The following AFAP1 variants were observed in gnomAD, a reference collection of about 807,000 sequenced individuals.
AFAP1 encodes actin filament associated protein 1.
AFAP1 carries 75 observed loss-of-function variants against 93.9 expected under a neutral mutation model. The observed-to-expected ratio is 0.80, with a 90% CI of 0.66 to 0.97. The LOEUF (loss-of-function observed/expected upper bound fraction) is 0.97. Ranked by LOEUF, AFAP1 falls within the 50% of genes least tolerant of loss-of-function variation. The pLI, the probability that AFAP1 is intolerant of heterozygous loss-of-function variation, is 0.00. For missense variants in AFAP1, 1,201 were observed against 1,050.8 expected (o/e 1.14, Z -1.98); for synonymous variants, 517 against 430.7 (o/e 1.20, Z -2.48).
At chr4:7,802,255 T>C (rs955060043) in intron 9 of AFAP1, among the ~76,000 whole-genome samples, 2 of 144,100 alleles carry the variant, frequency 1.4e-5, no homozygotes, top group African/African-American at 2.4e-5. Flanking sequence ...CTGATGTTGT[T>C]AGGGAGTGAC....
intron 10 of AFAP1, among the ~76,000 whole-genome samples, chr4:7,799,552 G>C (rs574465757): frequency 6.6e-6 from 1 of 152,300 alleles, no homozygotes; most frequent in African/African-American, 2.4e-5. Context: ...CGCCTCACAT[G>C]AACTGGTTTC....
chr4:7,846,383 G>C (rs1713702676), intron 4 of AFAP1, among the ~76,000 whole-genome samples: 1 of 152,230 alleles, frequency 6.6e-6, no homozygotes, highest in East Asian at 1.9e-4. Flanking sequence ...ATGGAATATG[G>C]AACGAGAAGA....
rs1718275574 is a variant in AFAP1 at position 7,888,842 on chromosome 4, GTGCAGTGGCA to G, written c.-2-16772_-2-16763del. Among the ~76,000 whole-genome samples the G allele has an allele frequency of 2.0e-5, 3 of 152,204 alleles. No homozygotes were observed. In the South Asian group the frequency reaches 6.2e-4, roughly 32 times the overall value. Reference sequence around the variant, plus strand: ...GTCTCACTCTGTTGCTCAGGCTGGAGTGCAGTGGCATGATCTCGGCTCACTGCAACCTCCG... The same window carrying G: ...GTCTCACTCTGTTGCTCAGGCTGGAGTGATCTCGGCTCACTGCAACCTCCG... On this transcript the variant is annotated intron_variant, in intron 1 of 17. Transcript: ENST00000420658.
At chr4:7,804,283 G>C (rs989929703) in intron 9 of AFAP1, among the ~76,000 whole-genome samples, 1 of 152,312 alleles carries the variant, frequency 6.6e-6, no homozygotes, top group East Asian at 1.9e-4. Flanking sequence ...GGCTCACCCA[G>C]GGCGTCTCAA....
chr4:7,832,958 G>A (rs1313386925), intron 6 of AFAP1, among the ~76,000 whole-genome samples: 1 of 152,144 alleles, frequency 6.6e-6, no homozygotes, highest in Non-Finnish European at 1.5e-5. Flanking sequence ...TCATGTAGGA[G>A]AATGAAACTG....
At chr4:7,920,775 T>G (rs1317111) in intron 1 of AFAP1, among the ~76,000 whole-genome samples, 1 of 151,968 alleles carries the variant, frequency 6.6e-6, no homozygotes, top group Non-Finnish European at 1.5e-5. Context: ...TCGATATGTT[T>G]GAGACTAAAA....
At chr4:7,891,518 G>A (rs1229965725) in intron 1 of AFAP1, among the ~76,000 whole-genome samples, 1 of 152,070 alleles carries the variant, frequency 6.6e-6, no homozygotes, top group African/African-American at 2.4e-5. Context: ...ATTAAACTTA[G>A]GTAATAATAG....
intron 1 of AFAP1, among the ~76,000 whole-genome samples, chr4:7,875,904 G>C (rs949140456): frequency 2.0e-5 from 3 of 152,134 alleles, no homozygotes; most frequent in Non-Finnish European, 4.4e-5. Context: ...AAGTAGAACA[G>C]TGGTTACTAG....
In AFAP1 at chr4:7,774,824, C is replaced by G; in HGVS notation, c.1977G>C (p.Leu659=). 1 of 1,614,222 alleles carries G rather than the reference C, an allele frequency of 6.2e-7. No individual in the cohort carries two copies. The highest frequency in any genetic ancestry group is 8.5e-7 in the Non-Finnish European group (1 of 1,180,042). The change falls in exon 15 of 18, where the codon CTG becomes CTC. Residue 659 remains leucine, a synonymous_variant. Transcript: ENST00000420658. ...KRLQTKEEEL[L]KRKEALRNRL... ...TATTCCGCAGGGCCTCTTTCCTCTT[C>G]AGCAGCTCCTCCTCTTTGGTCTGTA...
intron 1 of AFAP1, among the ~76,000 whole-genome samples, chr4:7,894,251 G>GT (rs1718640152): frequency 6.6e-6 from 1 of 152,146 alleles, no homozygotes; most frequent in South Asian, 2.1e-4. Flanking sequence ...ATTCATTTAT[G>GT]TATCACCTAC....
chr4:7,770,372 T>C (rs536472076), intron 16 of AFAP1, among the ~76,000 whole-genome samples: 215 of 152,146 alleles, frequency 1.4e-3, no homozygotes, highest in Non-Finnish European at 2.5e-3. Flanking sequence ...AGGACTAACA[T>C]GTCCACTGGA....
intron 5 of AFAP1, chr4:7,842,881 CGGGAAT>C: frequency 2.1e-6 from 1 of 469,506 alleles, no homozygotes; most frequent in Non-Finnish European, 3.8e-6. Flanking sequence ...AGGCCCTGCC[CGGGAAT>C]GGGAATGATT....
intron 4 of AFAP1, among the ~76,000 whole-genome samples, chr4:7,847,481 C>G (rs28658400): frequency 6.6e-6 from 1 of 151,880 alleles, no homozygotes; most frequent in Non-Finnish European, 1.5e-5. Flanking sequence ...GTATGCTTAG[C>G]GATGACCCAA....
In AFAP1 at chr4:7,861,509, C is replaced by T. The variant is rs1271301810; in HGVS notation, c.226-5935G>A. Among the ~76,000 whole-genome samples the T allele has an allele frequency of 2.0e-5, 3 of 152,244 alleles. No individual in the cohort carries two copies. In the East Asian group the frequency reaches 5.8e-4, roughly 29 times the overall value. On this transcript the variant is annotated intron_variant, in intron 3 of 17. Coordinates refer to ENST00000420658, the MANE Select transcript of AFAP1 (RefSeq NM_001134647.2). ...TTGTGATCACTGTTAAGTCTGCATTCCACACAGCGCTTGAGTAAACACTGG... is the reference window on the plus strand; with the variant it reads ...TTGTGATCACTGTTAAGTCTGCATTTCACACAGCGCTTGAGTAAACACTGG...
chr4:7,889,239 G>A (rs1173554048), intron 1 of AFAP1, among the ~76,000 whole-genome samples: 1 of 152,126 alleles, frequency 6.6e-6, no homozygotes, highest in Non-Finnish European at 1.5e-5. Flanking sequence ...ATACTAAAAT[G>A]AGGAATACAG....
At chr4:7,842,259 C>A (rs1260099252) in intron 5 of AFAP1, among the ~76,000 whole-genome samples, 3 of 28,150 alleles carry the variant, frequency 1.1e-4, no homozygotes, top group African/African-American at 2.9e-4. Flanking sequence ...CTTAGTAAAA[C>A]AAAAAAAGAT....
chr4:7,816,538 T>C (rs1720499149), intron 7 of AFAP1, among the ~76,000 whole-genome samples: 1 of 152,220 alleles, frequency 6.6e-6, no homozygotes, highest in African/African-American at 2.4e-5. Flanking sequence ...TATCTGCTTG[T>C]AACAATACAC....
chr4:7,810,375 G>A (rs1267541946), intron 8 of AFAP1, among the ~76,000 whole-genome samples: 1 of 152,218 alleles, frequency 6.6e-6, no homozygotes, highest in East Asian at 1.9e-4. Context: ...GCACATCTCA[G>A]GGAGAAAACC....
rs527322364 is a variant in AFAP1, at chr4:7,930,686, G to A, written c.-3+8970C>T. Reference sequence around the variant, plus strand: ...CTATCAGGAAATTACAAGGGTTTTAGAAGCTCTGGGCCAAAAACCAGGATG... The same window carrying A: ...CTATCAGGAAATTACAAGGGTTTTAAAAGCTCTGGGCCAAAAACCAGGATG... On this transcript the variant is annotated intron_variant, in intron 1 of 17. Transcript: ENST00000420658. Among the ~76,000 whole-genome samples, 6 of 152,298 alleles carry A rather than the reference G, an allele frequency of 3.9e-5. No individual in the cohort carries two copies. The East Asian group carries it at 1.2e-3, about 29-fold the overall frequency.
Sources: allele counts gnomAD v4.1 joint callset (sites outside exome capture counted in the v4.1 genomes callset), GRCh38; gene constraint gnomAD v4.1.1; transcripts MANE v1.5; gene names NCBI Gene and HGNC (gene_info 2026-07-23, HGNC 2026-07-21).